CACNA1A: variants seen among roughly 807,000 people sequenced by gnomAD.
CACNA1A encodes the protein voltage-dependent P/Q-type calcium channel subunit alpha-1A.
CACNA1A carries 57 observed loss-of-function variants against 262.4 expected under a neutral mutation model. The ratio of observed to expected loss-of-function variants is 0.22; its 90% CI spans 0.18 to 0.27. The LOEUF (loss-of-function observed/expected upper bound fraction) is 0.27, where lower values mean the gene tolerates loss of function less well. Ranked by LOEUF, CACNA1A falls within the 10% of genes least tolerant of loss-of-function variation. The pLI, the probability that CACNA1A is intolerant of heterozygous loss-of-function variation, is 1.00. For missense variants in CACNA1A, 2,526 were observed against 3,562.8 expected (o/e 0.71, Z 7.41); for synonymous variants, 1,431 against 1,419.3 (o/e 1.01, Z -0.18).
In CACNA1A at chr19:13,380,529, C is replaced by T. The variant is rs1226895058; in HGVS notation, c.540-8750G>A. Among the ~76,000 whole-genome samples the T allele has an allele frequency of 2.7e-5, 4 of 148,986 alleles. No homozygotes were observed. The East Asian group carries it at 8.0e-4, about 30-fold the overall frequency. ...GGGCGTGGCGGTGGGCATCTGTAAT[C>T]CCAGCTACTCAGAGGCAGAGGCAGG... is the stretch of plus-strand genomic sequence containing the variant. On this transcript the variant is annotated intron_variant, in intron 3 of 46. Coordinates refer to ENST00000360228, the MANE Select transcript of CACNA1A (RefSeq NM_001127222.2).
rs1007272292 is a variant in CACNA1A at position 13,367,929 on chromosome 19, T to C, written c.632-2460A>G. ...TCATGGCGGCTGAATTACTCTGGGC[T>C]TCAAATCCTTTTGGGAGAGGAAGGG... On this transcript the variant is annotated intron_variant, in intron 4 of 46. Transcript: ENST00000360228. 5.3e-5 allele frequency among the ~76,000 whole-genome samples: 8 copies of C among 152,122 alleles called. No individual in the cohort carries two copies. In the East Asian group the frequency reaches 1.5e-3, roughly 29 times the overall value.
At chr19:13,213,185 C>G (rs2054881516) in intron 40 of CACNA1A, among the ~76,000 whole-genome samples, 1 of 152,212 alleles carries the variant, frequency 6.6e-6, no homozygotes. Flanking sequence ...CTCCTCCCTG[C>G]TCTTTTCCAC....
intron 6 of CACNA1A, among the ~76,000 whole-genome samples, chr19:13,343,328 T>G (rs2058707607): frequency 6.6e-6 from 1 of 151,830 alleles, no homozygotes; most frequent in South Asian, 2.1e-4. Flanking sequence ...TTCACCTTGT[T>G]GGTCAGGCTG....
intron 3 of CACNA1A, among the ~76,000 whole-genome samples, chr19:13,418,438 G>A (rs1241427724): frequency 1.3e-5 from 2 of 152,054 alleles, no homozygotes; most frequent in Non-Finnish European, 2.9e-5. Flanking sequence ...CCTAATCCCT[G>A]GAATGCTACC....
chr19:13,238,605 T>TTTTTA (rs71168694), intron 31 of CACNA1A, among the ~76,000 whole-genome samples: 1 of 151,514 alleles, frequency 6.6e-6, no homozygotes, highest in African/African-American at 2.4e-5. Context: ...ATTTTTTTTT[T>TTTTTA]AAGAGAGTCT....
Position 13,255,089 on chromosome 19 carries a change from A to T in CACNA1A, c.4755+6T>A. ...GTAGTGCTGGGGGCTGGTGTGGGGC[A>T]CTTACCTTCATCATAAGCACGATGG... On this transcript the variant is annotated splice_donor_region_variant and intron_variant, in intron 29 of 46. Coordinates refer to ENST00000360228, the MANE Select transcript of CACNA1A (RefSeq NM_001127222.2). The T allele has an allele frequency of 6.2e-7, 1 of 1,613,652 alleles. No individual in the cohort carries two copies. The highest frequency in any genetic ancestry group is 8.5e-7 in the Non-Finnish European group (1 of 1,179,722).
At chr19:13,262,543 T>C (rs2056759301) in intron 25 of CACNA1A, 191 bp downstream of exon 25, 1 of 570,284 alleles carries the variant, frequency 1.8e-6, no homozygotes, top group Non-Finnish European at 3.2e-6. Flanking sequence ...AATACACAGA[T>C]TATTTTAGGT....
intron 6 of CACNA1A, among the ~76,000 whole-genome samples, chr19:13,355,775 CT>C (rs1248757989): frequency 6.6e-6 from 1 of 152,128 alleles, no homozygotes; most frequent in African/African-American, 2.4e-5. Context: ...TGACAGAAAC[CT>C]TACTGACATT....
chr19:13,390,206 T>A (rs767756763), intron 3 of CACNA1A, among the ~76,000 whole-genome samples: 4 of 151,146 alleles, frequency 2.6e-5, no homozygotes, highest in Non-Finnish European at 5.9e-5. Context: ...AGCCTCAAAT[T>A]CCTGGGCTCA....
At chr19:13,259,436 T>C (rs1313786033) in intron 27 of CACNA1A, 128 bp downstream of exon 27, 10 of 690,320 alleles carry the variant, frequency 1.4e-5, no homozygotes, top group Non-Finnish European at 2.2e-5. Context: ...CCTCCTAAAG[T>C]GTTGGGATTA....
intron 3 of CACNA1A, among the ~76,000 whole-genome samples, chr19:13,387,636 G>A (rs2059637906): frequency 6.6e-6 from 1 of 152,138 alleles, no homozygotes; most frequent in African/African-American, 2.4e-5. Context: ...AAGTCAGGAT[G>A]TCAATAAATA....
rs1415774190 is a variant in CACNA1A at position 13,303,545 on chromosome 19, C to T, written c.2172+1G>A. On this transcript the variant is annotated splice_donor_variant, in intron 17 of 46. Transcript: ENST00000360228. LOFTEE classifies it high-confidence loss of function. Reference sequence around the variant, plus strand: ...GAGAAACATTCTCCCACCGCCTCCACCTTGGTGAGCTCCTGGGCGTTGGCC... The same window carrying T: ...GAGAAACATTCTCCCACCGCCTCCATCTTGGTGAGCTCCTGGGCGTTGGCC... 1 of 1,606,144 alleles carries T rather than the reference C, an allele frequency of 6.2e-7. No individual in the cohort carries two copies. Among genetic ancestry groups the T allele is most frequent in the Non-Finnish European group, 8.5e-7 (1 of 1,176,164 alleles).
At chr19:13,240,790 G>GTGTGCAC (rs2056058636) in intron 31 of CACNA1A, among the ~76,000 whole-genome samples, 1 of 130,928 alleles carries the variant, frequency 7.6e-6, no homozygotes, top group East Asian at 2.3e-4. Context: ...CGCAGTGACT[G>GTGTGCAC]AGTGTGTGCA....
chr19:13,244,807 T>G lies in CACNA1A; in HGVS notation c.4950+375A>C, dbSNP rs575317253. The stretch of plus-strand genomic sequence containing the variant: ...AGGGTTGGTTCAAACAGAATTGACT[T>G]GAAACCCATTCTTTCTGGGCTCCTG... On this transcript the variant is annotated intron_variant, in intron 31 of 46. Coordinates refer to ENST00000360228, the MANE Select transcript of CACNA1A (RefSeq NM_001127222.2). 1.2e-4 allele frequency: 26 copies of G among 213,540 alleles called. 1 individual carries two copies. In the East Asian group the frequency reaches 2.8e-3, roughly 23 times the overall value. 13.2% of individuals were successfully genotyped at this position (213,540 alleles called of 1,614,324 possible).
chr19:13,302,379 G>A (rs1250561150), intron 17 of CACNA1A, among the ~76,000 whole-genome samples: 1 of 152,136 alleles, frequency 6.6e-6, no homozygotes, highest in Non-Finnish European at 1.5e-5. Context: ...TAATCCCTAA[G>A]TCCTAGACCA....
At chr19:13,311,934 G>A (rs570986582) in intron 12 of CACNA1A, among the ~76,000 whole-genome samples, 1 of 152,158 alleles carries the variant, frequency 6.6e-6, no homozygotes, top group Non-Finnish European at 1.5e-5. Context: ...GGGCTGCCCT[G>A]GGCCAGGCAT....
intron 1 of CACNA1A, among the ~76,000 whole-genome samples, chr19:13,499,464 T>G: frequency 1.4e-5 from 2 of 142,690 alleles, no homozygotes; most frequent in African/African-American, 2.7e-5. Context: ...GGGGGGCACT[T>G]CGCTCCCATT....
chr19:13,338,562 T>G (rs2058618495), intron 6 of CACNA1A, among the ~76,000 whole-genome samples: 1 of 80,200 alleles, frequency 1.2e-5, no homozygotes. Context: ...ATACATGCAA[T>G]GAACAATGCC....
At chr19:13,213,658 G>A (rs2054896758) in intron 40 of CACNA1A, 1 of 136,942 alleles carries the variant, frequency 7.3e-6, no homozygotes, top group Non-Finnish European at 1.5e-5. Flanking sequence ...CACATGATGT[G>A]TCCTTGGCAA....
Sources: allele counts gnomAD v4.1 joint callset (sites outside exome capture counted in the v4.1 genomes callset), GRCh38; gene constraint gnomAD v4.1.1; transcripts MANE v1.5; gene names NCBI Gene and HGNC (gene_info 2026-07-23, HGNC 2026-07-21).